The following GRIA4 variants were observed in gnomAD, a reference collection of about 807,000 sequenced individuals.
The protein encoded by GRIA4 is glutamate receptor 4.
In GRIA4, 34 loss-of-function variants were observed where a neutral mutation model predicts 104.0. That is an observed-to-expected ratio of 0.33 (90% CI 0.25 to 0.44). GRIA4 has a LOEUF of 0.44. GRIA4 is among the 20% of genes least tolerant of loss of function. The pLI, the probability that GRIA4 is intolerant of heterozygous loss-of-function variation, is 1.00. For missense variants in GRIA4, 750 were observed against 1,096.5 expected (o/e 0.68, Z 4.46); for synonymous variants, 386 against 381.9 (o/e 1.01, Z -0.13).
intron 5 of GRIA4, among the ~76,000 whole-genome samples, chr11:105,863,977 G>A (rs1365305971): frequency 6.6e-6 from 1 of 152,128 alleles, no homozygotes; most frequent in Non-Finnish European, 1.5e-5. Flanking sequence ...TCATATTAAA[G>A]AAATTAGAAA....
At chr11:105,825,817 T>C (rs1423290423) in intron 4 of GRIA4, among the ~76,000 whole-genome samples, 1 of 152,064 alleles carries the variant, frequency 6.6e-6, no homozygotes, top group Non-Finnish European at 1.5e-5. Flanking sequence ...GGAGATCCCT[T>C]ATGATATTTA....
intron 4 of GRIA4, among the ~76,000 whole-genome samples, chr11:105,822,327 T>G (rs1943605834): frequency 6.6e-6 from 1 of 152,080 alleles, no homozygotes; most frequent in Non-Finnish European, 1.5e-5. Flanking sequence ...ACTCAAGACC[T>G]TTCTGTTTTC....
chr11:105,923,705 T>C (rs1947630842), intron 11 of GRIA4, among the ~76,000 whole-genome samples: 1 of 152,172 alleles, frequency 6.6e-6, no homozygotes, highest in Non-Finnish European at 1.5e-5. Context: ...TGCCTTATGA[T>C]TATAATACCT....
chr11:105,844,094 C>A (rs1944490590), intron 4 of GRIA4, among the ~76,000 whole-genome samples: 1 of 152,144 alleles, frequency 6.6e-6, no homozygotes. Context: ...CCAATGCCCC[C>A]TTTCACTCTT....
chr11:105,671,327 G>T (rs1200903853), intron 3 of GRIA4, among the ~76,000 whole-genome samples: 1 of 152,036 alleles, frequency 6.6e-6, no homozygotes, highest in Non-Finnish European at 1.5e-5. Flanking sequence ...AGAAGAGGTG[G>T]TCAACAGAGG....
chr11:105,770,125 C>G (rs1488798139), intron 4 of GRIA4, among the ~76,000 whole-genome samples: 4 of 152,058 alleles, frequency 2.6e-5, no homozygotes, highest in Admixed American at 1.3e-4. Context: ...ATTTAGTGCT[C>G]TAATTTGCTA....
chr11:105,692,852 A>AT (rs1279642987), intron 3 of GRIA4, among the ~76,000 whole-genome samples: 2 of 152,218 alleles, frequency 1.3e-5, no homozygotes, highest in Non-Finnish European at 2.9e-5. Flanking sequence ...CTTCAGTTAA[A>AT]TAACACCATT....
intron 4 of GRIA4, among the ~76,000 whole-genome samples, chr11:105,826,036 C>T (rs1296631632): frequency 6.6e-6 from 1 of 151,994 alleles, no homozygotes; most frequent in Non-Finnish European, 1.5e-5. Flanking sequence ...CCGTATCCAA[C>T]AAAGCCTTAA....
At chr11:105,688,174 C>A (rs1230983028) in intron 3 of GRIA4, among the ~76,000 whole-genome samples, 1 of 151,414 alleles carries the variant, frequency 6.6e-6, no homozygotes, top group Non-Finnish European at 1.5e-5. Context: ...ATCTATCTAT[C>A]TATCTATCTA....
intron 6 of GRIA4, among the ~76,000 whole-genome samples, chr11:105,891,479 C>T (rs1030532845): frequency 2.6e-5 from 4 of 152,076 alleles, no homozygotes; most frequent in Non-Finnish European, 4.4e-5. Flanking sequence ...AAGATTTTAT[C>T]CCTACTTGAC....
At chr11:105,792,240 T>C (rs1555009653) in intron 4 of GRIA4, among the ~76,000 whole-genome samples, 1 of 152,016 alleles carries the variant, frequency 6.6e-6, no homozygotes, top group Non-Finnish European at 1.5e-5. Context: ...GTACAAGAAA[T>C]AAACGAACAT....
chr11:105,632,072 A>G (rs1399365939), intron 3 of GRIA4, among the ~76,000 whole-genome samples: 1 of 152,198 alleles, frequency 6.6e-6, no homozygotes, highest in Non-Finnish European at 1.5e-5. Context: ...GGACTTTAGA[A>G]GCAAATAAAA....
At position 105,617,944 on chromosome 11, in the gene GRIA4, T is replaced by C. The variant is rs754607636; in HGVS notation, c.247+5510T>C. ...TGGACACGGAAATGGGAAGGATAATTACATCAAACTTGGCATGGCATCCTA... is the reference window on the plus strand; with the variant it reads ...TGGACACGGAAATGGGAAGGATAATCACATCAAACTTGGCATGGCATCCTA... On this transcript the variant is annotated intron_variant, in intron 3 of 16. Coordinates refer to ENST00000282499, the MANE Select transcript of GRIA4 (RefSeq NM_000829.4). 4.0e-4 allele frequency among the ~76,000 whole-genome samples: 61 copies of C among 151,960 alleles called. 1 individual carries two copies. Among genetic ancestry groups the C allele is most frequent in the Non-Finnish European group, 4.9e-4 (33 of 67,928 alleles).
At chr11:105,742,134 T>C (rs1018587579) in intron 3 of GRIA4, among the ~76,000 whole-genome samples, 1 of 152,168 alleles carries the variant, frequency 6.6e-6, no homozygotes, top group Non-Finnish European at 1.5e-5. Context: ...ATAAGCCTAG[T>C]TCCTTATCAT....
chr11:105,917,052 T>A (rs1033909694), intron 10 of GRIA4, among the ~76,000 whole-genome samples: 1 of 152,200 alleles, frequency 6.6e-6, no homozygotes, highest in African/African-American at 2.4e-5. Flanking sequence ...AATTCACCAA[T>A]TTTATAACCA....
intron 4 of GRIA4, among the ~76,000 whole-genome samples, chr11:105,795,835 G>T (rs1353395917): frequency 2.6e-5 from 4 of 151,904 alleles, no homozygotes; most frequent in Non-Finnish European, 4.4e-5. Flanking sequence ...GTTGTTATTG[G>T]CATAAACTTT....
At chr11:105,919,556 T>A (rs1330358199) in intron 11 of GRIA4, among the ~76,000 whole-genome samples, 1 of 152,160 alleles carries the variant, frequency 6.6e-6, no homozygotes, top group Non-Finnish European at 1.5e-5. Context: ...GAAAGCATGT[T>A]ATGCGCCTCC....
intron 3 of GRIA4, among the ~76,000 whole-genome samples, chr11:105,616,252 T>C (rs550197587): frequency 2.6e-5 from 4 of 151,740 alleles, no homozygotes; most frequent in Non-Finnish European, 5.9e-5. Flanking sequence ...GTTTACAAGA[T>C]AATGGATTGA....
intron 4 of GRIA4, among the ~76,000 whole-genome samples, chr11:105,815,222 C>T (rs1943328729): frequency 6.6e-6 from 1 of 152,142 alleles, no homozygotes; most frequent in Non-Finnish European, 1.5e-5. Context: ...TCTCTTTTTG[C>T]TTAAACCGGT....
Sources: allele counts gnomAD v4.1 joint callset (sites outside exome capture counted in the v4.1 genomes callset), GRCh38; gene constraint gnomAD v4.1.1; transcripts MANE v1.5; gene names NCBI Gene and HGNC (gene_info 2026-07-23, HGNC 2026-07-21).